RSF1: variants seen among roughly 807,000 people sequenced by gnomAD.
RSF1 encodes the protein remodeling and spacing factor 1.
In RSF1, 13 loss-of-function variants were observed where a neutral mutation model predicts 145.2. The ratio of observed to expected loss-of-function variants is 0.09; its 90% confidence interval spans 0.06 to 0.14. The LOEUF is 0.14. Among genes scored for constraint, RSF1 ranks in the 10% least tolerant of loss-of-function variants. The probability of loss-of-function intolerance (pLI) is 1.00; values close to 1 mark genes in which losing one functional copy is unlikely to be tolerated. For missense variants in RSF1, 1,517 were observed against 1,718.2 expected (o/e 0.88, Z 2.07); for synonymous variants, 577 against 592.6 (o/e 0.97, Z 0.38).
In RSF1 at chr11:77,820,666, G is replaced by A. The variant is rs1217652802; in HGVS notation, c.49C>T (p.Pro17Ser). 1.3e-6 allele frequency: 2 copies of A among 1,557,284 alleles called. No individual in the cohort carries two copies. Among genetic ancestry groups the A allele is most frequent in the African/African-American group, 1.4e-5 (1 of 73,760 alleles). ...AAAVMAPPGC[P>S]GSCPNFAVVC... The stretch of plus-strand genomic sequence containing the variant: ...ACGGCGAAGTTGGGGCACGAACCCG[G>A]GCAGCCCGGAGGAGCCATCACCGCC... Residue 17 changes from proline (P) to serine (S), a missense_variant, in exon 1 of 16, where the codon CCG becomes TCG. Around this residue, in one of 12 missense-constraint regions of RSF1, gnomAD observed 85 missense variants for 91.8 expected, o/e 0.93. Transcript: ENST00000308488.
intron 5 of RSF1, among the ~76,000 whole-genome samples, chr11:77,715,846 G>A (rs1448139035): frequency 5.3e-5 from 8 of 152,218 alleles, no homozygotes; most frequent in South Asian, 2.1e-4. Context: ...GTGTGAGCAC[G>A]GCTCACTGCA....
At chr11:77,826,488 A>G in the RSF1 span, among the ~76,000 whole-genome samples, 1 of 152,204 alleles carries the variant, frequency 6.6e-6, no homozygotes, top group Non-Finnish European at 1.5e-5. Context: ...TTGACATCCT[A>G]TACAGCAAGG....
intron 1 of RSF1, among the ~76,000 whole-genome samples, chr11:77,816,153 A>G (rs1218276001): frequency 6.6e-6 from 1 of 152,226 alleles, no homozygotes; most frequent in South Asian, 2.1e-4. Flanking sequence ...AGACACAACT[A>G]AAAAGTTTCA....
intron 1 of RSF1, among the ~76,000 whole-genome samples, chr11:77,771,740 T>G (rs548427745): frequency 2.0e-5 from 3 of 152,276 alleles, no homozygotes; most frequent in Admixed American, 2.0e-4. Flanking sequence ...CTTACTACTT[T>G]TATATATTTC....
At chr11:77,735,018 G>A in intron 4 of RSF1, 9 of 1,564,628 alleles carry the variant, frequency 5.8e-6, no homozygotes, top group Non-Finnish European at 7.8e-6. Context: ...AGGTGGACGT[G>A]GTCCTCATGG....
intron 4 of RSF1, among the ~76,000 whole-genome samples, chr11:77,727,669 G>T (rs1053643676): frequency 1.3e-5 from 2 of 151,874 alleles, no homozygotes; most frequent in African/African-American, 4.8e-5. Flanking sequence ...TAGTAGAGAT[G>T]AGGTTTCACC....
In RSF1 at chr11:77,661,586, T is replaced by C. The variant is rs1809096808; in HGVS notation, c.*5331A>G. On this transcript the variant is annotated 3_prime_UTR_variant, in exon 16 of 16. Coordinates refer to ENST00000308488, the MANE Select transcript of RSF1 (RefSeq NM_016578.4). ...AAAGGGCAGGAGAATGAAAAAGACA[T>C]GGCACAAATTTTTAAACAATTTTAG... 6.6e-6 allele frequency: 1 copy of C among 152,018 alleles called. No homozygotes were observed. Among genetic ancestry groups the C allele is most frequent in the East Asian group, 1.9e-4 (1 of 5,196 alleles). 9.4% of individuals were successfully genotyped at this position (152,018 alleles called of 1,614,324 possible).
the RSF1 span, among the ~76,000 whole-genome samples, chr11:77,831,694 CT>C: frequency 0.1 from 14,212 of 135,882 alleles, 833 homozygotes; most frequent in Non-Finnish European, 0.15. Context: ...ACTTAGGTAT[CT>C]TTTTTTTTTT....
At chr11:77,831,707 T>C in the RSF1 span, among the ~76,000 whole-genome samples, 1 of 151,012 alleles carries the variant, frequency 6.6e-6, no homozygotes, top group Non-Finnish European at 1.5e-5. Context: ...TTTTTTTTTT[T>C]TTTTCTGAGA....
chr11:77,754,741 C>T (rs567962266), intron 2 of RSF1, among the ~76,000 whole-genome samples: 4 of 151,462 alleles, frequency 2.6e-5, no homozygotes, highest in African/African-American at 7.3e-5. Context: ...GACCCTGTGT[C>T]GAAAAAAAAG....
In RSF1 at chr11:77,676,747, T is replaced by C. The variant is rs141202740; in HGVS notation, c.3341+45A>G. ...AGCCTCTCTGCTAGCCCAGTCCTGTTCCTGCTGGTATCTAGGGATCGGGGC... is the reference window on the plus strand; with the variant it reads ...AGCCTCTCTGCTAGCCCAGTCCTGTCCCTGCTGGTATCTAGGGATCGGGGC... On this transcript the variant is annotated intron_variant, in intron 13 of 15. Transcript: ENST00000308488. 3.1e-4 allele frequency: 487 copies of C among 1,565,326 alleles called. 1 individual carries two copies. The East Asian group carries it at 9.8e-3, about 31-fold the overall frequency.
chr11:77,752,410 C>T (rs182572308), intron 2 of RSF1, among the ~76,000 whole-genome samples: 1 of 152,146 alleles, frequency 6.6e-6, no homozygotes, highest in Non-Finnish European at 1.5e-5. Flanking sequence ...GTGGGGGATG[C>T]CAGAAATTCG....
In RSF1 at chr11:77,715,508, C is replaced by T. The variant is rs570177426; in HGVS notation, c.733+10037G>A. On this transcript the variant is annotated intron_variant, in intron 5 of 15. Coordinates refer to ENST00000308488, the MANE Select transcript of RSF1 (RefSeq NM_016578.4). ...TGTCGCCCAGGCTGGAGTGCAGTAG[C>T]GCAATCTTGGCTCACTGCAACCTCC... Among the ~76,000 whole-genome samples, 17 of 151,312 alleles carry T rather than the reference C, an allele frequency of 1.1e-4. No individual in the cohort carries two copies. In the East Asian group the frequency reaches 1.2e-3, roughly 11 times the overall value.
chr11:77,697,384 A>G (rs980418230), intron 7 of RSF1, among the ~76,000 whole-genome samples: 1 of 149,748 alleles, frequency 6.7e-6, no homozygotes, highest in Non-Finnish European at 1.5e-5. Context: ...AGGTGCATAG[A>G]ATTAGGTATA....
In RSF1 at chr11:77,772,894, C is replaced by T. The variant is rs1229462143; in HGVS notation, c.188-8205G>A. 2.1e-5 allele frequency among the ~76,000 whole-genome samples: 3 copies of T among 143,978 alleles called. No homozygotes were observed. In the East Asian group the frequency reaches 6.3e-4, roughly 30 times the overall value. The allele number at this position is 143,978 out of a possible 152,430, so 94.5% of individuals were successfully genotyped here. A position where few individuals can be genotyped will look rare whatever the true frequency, so the allele number is the denominator to read the frequency against. On this transcript the variant is annotated intron_variant, in intron 1 of 15. Transcript: ENST00000308488. ...AAAGGGCCAAGAAGAACGTAGACATCTAGCCTTCCATTCCAGGGCTCTTTC... is the reference window on the plus strand; with the variant it reads ...AAAGGGCCAAGAAGAACGTAGACATTTAGCCTTCCATTCCAGGGCTCTTTC...
At chr11:77,676,064 T>C (rs1959692816) in intron 13 of RSF1, among the ~76,000 whole-genome samples, 1 of 152,230 alleles carries the variant, frequency 6.6e-6, no homozygotes, top group Non-Finnish European at 1.5e-5. Flanking sequence ...TATGACATTT[T>C]ACGGCTTGCT....
chr11:77,843,774 C>T, the RSF1 span, among the ~76,000 whole-genome samples: 8 of 151,932 alleles, frequency 5.3e-5, no homozygotes, highest in African/African-American at 1.5e-4. Flanking sequence ...TTCATGCTGC[C>T]GATAAAGACA....
chr11:77,838,615 CTT>C, the RSF1 span, among the ~76,000 whole-genome samples: 10 of 129,290 alleles, frequency 7.7e-5, no homozygotes, highest in East Asian at 4.4e-4. Context: ...ATACAAGTAC[CTT>C]TTTTTTTTTT....
At chr11:77,818,596 T>C (rs1175522312) in intron 1 of RSF1, among the ~76,000 whole-genome samples, 4 of 152,004 alleles carry the variant, frequency 2.6e-5, no homozygotes, top group Admixed American at 6.5e-5. Flanking sequence ...CTGGCAAACA[T>C]GGTGAAACCC....
Sources: allele counts gnomAD v4.1 joint callset (sites outside exome capture counted in the v4.1 genomes callset), GRCh38; gene constraint gnomAD v4.1.1; regional missense constraint gnomAD v4.1.1; transcripts MANE v1.5; gene names NCBI Gene and HGNC (gene_info 2026-07-23, HGNC 2026-07-21).